ARHGAP24: variants seen among roughly 807,000 people sequenced by gnomAD.
The protein encoded by ARHGAP24 is rho GTPase-activating protein 24.
ARHGAP24 carries 50 observed loss-of-function variants against 76.4 expected under a neutral mutation model. The ratio of observed to expected loss-of-function variants is 0.65; its 90% CI spans 0.52 to 0.83. The LOEUF is 0.83. Ranked by LOEUF, ARHGAP24 falls within the 40% of genes least tolerant of loss-of-function variation. The pLI, the probability that ARHGAP24 is intolerant of heterozygous loss-of-function variation, is 0.00. For missense variants in ARHGAP24, 930 were observed against 914.2 expected (o/e 1.02, Z -0.22); for synonymous variants, 345 against 323.3 (o/e 1.07, Z -0.72).
At chr4:85,930,986 C>G in intron 4 of ARHGAP24, 1 of 1,613,726 alleles carries the variant, frequency 6.2e-7, no homozygotes, top group Non-Finnish European at 8.5e-7. Context: ...GCCTCAACTC[C>G]TTTCATCCCT....
chr4:85,942,943 T>C (rs1016104584), intron 5 of ARHGAP24, among the ~76,000 whole-genome samples: 1 of 152,114 alleles, frequency 6.6e-6, no homozygotes, highest in Non-Finnish European at 1.5e-5. Flanking sequence ...CCAGAAATGT[T>C]TTCATATTAA....
At chr4:85,601,395 A>T (rs964084023) in intron 2 of ARHGAP24, among the ~76,000 whole-genome samples, 24 of 152,210 alleles carry the variant, frequency 1.6e-4, no homozygotes, top group African/African-American at 4.3e-4. Flanking sequence ...CAACAACTTC[A>T]TCTTCTTCCC....
In ARHGAP24 at chr4:85,591,047, T is replaced by G. The variant is rs932100359; in HGVS notation, c.180+20326T>G. On this transcript the variant is annotated intron_variant, in intron 2 of 9. Transcript: ENST00000395184. ...ATCTGCTGGGTTTTTTTTTTTTTTT[T>G]TTTTTTTTTTTTTTGAGATGGAGTT... 6.8e-3 allele frequency among the ~76,000 whole-genome samples: 925 copies of G among 136,920 alleles called. 7 individuals are homozygous for G. Among genetic ancestry groups the G allele is most frequent in the Non-Finnish European group, 0.012 (747 of 64,084 alleles). 89.8% of individuals were successfully genotyped at this position (136,920 alleles called of 152,430 possible).
intron 5 of ARHGAP24, among the ~76,000 whole-genome samples, chr4:85,957,965 A>G (rs1738020712): frequency 6.6e-6 from 1 of 152,200 alleles, no homozygotes; most frequent in South Asian, 2.1e-4. Flanking sequence ...TTATCTTTGC[A>G]GAATTTTGGC....
intron 1 of ARHGAP24, among the ~76,000 whole-genome samples, chr4:85,521,335 T>C (rs1172754772): frequency 9.5e-6 from 1 of 105,380 alleles, no homozygotes; most frequent in Non-Finnish European, 2.1e-5. Context: ...GAAAGTTACA[T>C]AGTGTCTAAG....
At chr4:85,828,940 A>T (rs1199385402) in intron 3 of ARHGAP24, among the ~76,000 whole-genome samples, 1 of 152,196 alleles carries the variant, frequency 6.6e-6, no homozygotes, top group Admixed American at 6.5e-5. Context: ...GAAGAAGAAA[A>T]AGAATATCAG....
At chr4:85,634,811 AC>A (rs1171900491) in intron 2 of ARHGAP24, among the ~76,000 whole-genome samples, 5 of 151,772 alleles carry the variant, frequency 3.3e-5, no homozygotes, top group Admixed American at 2.0e-4. Context: ...AATTATTGCC[AC>A]CCTTTGATGC....
At chr4:85,744,653 G>A (rs376266412) in intron 3 of ARHGAP24, among the ~76,000 whole-genome samples, 3 of 152,084 alleles carry the variant, frequency 2.0e-5, no homozygotes, top group Non-Finnish European at 2.9e-5. Flanking sequence ...CCCTCCACGC[G>A]TTAGAGGCAA....
chr4:85,541,647 AGTTT>A (rs1725708787), intron 1 of ARHGAP24, among the ~76,000 whole-genome samples: 1 of 152,232 alleles, frequency 6.6e-6, no homozygotes, highest in African/African-American at 2.4e-5. Flanking sequence ...ATGATATCAT[AGTTT>A]ATTCATTCAA....
chr4:85,890,116 G>A (rs564983105), intron 3 of ARHGAP24, among the ~76,000 whole-genome samples: 15 of 152,244 alleles, frequency 9.9e-5, no homozygotes, highest in East Asian at 9.6e-4. Context: ...TCACTGGACC[G>A]ATGAAAGGTC....
At chr4:85,755,538 G>T (rs1726443641) in intron 3 of ARHGAP24, among the ~76,000 whole-genome samples, 1 of 151,670 alleles carries the variant, frequency 6.6e-6, no homozygotes, top group Non-Finnish European at 1.5e-5. Context: ...ATTGGAAAGT[G>T]AAAATATTCC....
intron 1 of ARHGAP24, among the ~76,000 whole-genome samples, chr4:85,560,188 T>C (rs1175490392): frequency 6.6e-6 from 1 of 152,040 alleles, no homozygotes; most frequent in African/African-American, 2.4e-5. Context: ...AGTGGTTGTC[T>C]TTTTTATTTG....
intron 5 of ARHGAP24, among the ~76,000 whole-genome samples, chr4:85,959,576 A>C (rs760032074): frequency 2.4e-4 from 36 of 152,298 alleles, no homozygotes; most frequent in Non-Finnish European, 4.9e-4. Context: ...TTTTGTGGAT[A>C]TACTACATTT....
chr4:85,530,768 A>G (rs2110116432), intron 1 of ARHGAP24, among the ~76,000 whole-genome samples: 1 of 152,150 alleles, frequency 6.6e-6, no homozygotes, highest in African/African-American at 2.4e-5. Context: ...GAATAGTATT[A>G]TTTTATGCAT....
rs898835722 is a variant in ARHGAP24, at chr4:86,000,564, A to C, written c.2089A>C (p.Ile697Leu). Residue 697 changes from isoleucine (I) to leucine (L), a missense_variant, in exon 10 of 10, where the codon ATA (isoleucine) becomes CTA (leucine). Coordinates refer to ENST00000395184, the MANE Select transcript of ARHGAP24 (RefSeq NM_001025616.3). ...TCAGGAGAGGAAAAAGTTCACAATG[A>C]TAGAAATAAAAATGCGAAATGCCGA... is the stretch of plus-strand genomic sequence containing the variant. ...LDQERKKFTM[I>L]EIKMRNAERA... 1 of 1,612,032 alleles carries C rather than the reference A, an allele frequency of 6.2e-7. No homozygotes were observed. Among genetic ancestry groups the C allele is most frequent in the African/African-American group, 1.3e-5 (1 of 74,668 alleles).
intron 1 of ARHGAP24, among the ~76,000 whole-genome samples, chr4:85,514,814 TTG>T (rs1491053587): frequency 1.4e-4 from 5 of 36,810 alleles, no homozygotes; most frequent in Non-Finnish European, 2.1e-4. Context: ...TTACTCTAAA[TTG>T]TAAAAAAAAA....
At chr4:85,796,722 C>CG (rs1048275246) in intron 3 of ARHGAP24, among the ~76,000 whole-genome samples, 2 of 152,016 alleles carry the variant, frequency 1.3e-5, no homozygotes, top group Non-Finnish European at 2.9e-5. Flanking sequence ...CTACTTCTGT[C>CG]GGGGGGAATT....
chr4:85,521,039 T>G (rs1448463883), intron 1 of ARHGAP24, among the ~76,000 whole-genome samples: 5 of 152,164 alleles, frequency 3.3e-5, no homozygotes, highest in African/African-American at 1.2e-4. Flanking sequence ...ACTAAACTTT[T>G]CGGGCAGGGC....
intron 4 of ARHGAP24, among the ~76,000 whole-genome samples, chr4:85,929,403 G>A (rs1435749463): frequency 1.3e-5 from 2 of 152,204 alleles, no homozygotes; most frequent in Non-Finnish European, 2.9e-5. Context: ...CCAAATGGCT[G>A]GGAAGGAACA....
Sources: allele counts gnomAD v4.1 joint callset (sites outside exome capture counted in the v4.1 genomes callset), GRCh38; gene constraint gnomAD v4.1.1; transcripts MANE v1.5; gene names NCBI Gene and HGNC (gene_info 2026-07-23, HGNC 2026-07-21).